Variants in DNAH1 observed in about 807,000 individuals in gnomAD.
The protein encoded by DNAH1 is axonemal beta dynein heavy chain 1.
DNAH1 carries 327 observed loss-of-function variants against 484.3 expected under a neutral mutation model. The ratio of observed to expected loss-of-function variants is 0.68; its 90% CI spans 0.62 to 0.74. The LOEUF is 0.74. Ranked by LOEUF, DNAH1 falls within the 30% of genes least tolerant of loss-of-function variation. The probability of loss-of-function intolerance (pLI) is 0.00; values close to 1 mark genes in which losing one functional copy is unlikely to be tolerated. For missense variants in DNAH1, 5,052 were observed against 5,546.8 expected (o/e 0.91, Z 2.83); for synonymous variants, 2,192 against 2,191.9 (o/e 1.00, Z 0.00).
At position 52,349,005 on chromosome 3, in the gene DNAH1, A is replaced by T. The variant is rs1318665070; in HGVS notation, c.2224A>T (p.Ile742Phe). 1.2e-6 allele frequency: 2 copies of T among 1,613,328 alleles called. No homozygotes were observed. Among genetic ancestry groups the T allele is most frequent in the Admixed American group, 1.7e-5 (1 of 60,026 alleles). The part of the protein sequence containing the change: ...TIASAVSKAM[I>F]PLQAYAKEYR... The stretch of plus-strand genomic sequence containing the variant: ...TGCCAGTGCCGTGTCCAAGGCCATG[A>T]TCCCACTGCAGGCCTACGCCAAGGA... The change falls in exon 13 of 78, where the codon ATC becomes TTC. Residue 742 changes from isoleucine (I) to phenylalanine (F), a missense_variant. By Grantham distance (21) the Ile-to-Phe change is conservative. Coordinates refer to ENST00000420323, the MANE Select transcript of DNAH1 (RefSeq NM_015512.5).
At position 52,343,255 on chromosome 3, in the gene DNAH1, C is replaced by T. The variant is rs550400429; in HGVS notation, c.1287-1235C>T. 1.8e-4 allele frequency among the ~76,000 whole-genome samples: 27 copies of T among 152,092 alleles called. No individual in the cohort carries two copies. In the South Asian group the frequency reaches 2.9e-3, roughly 16 times the overall value. On this transcript the variant is annotated intron_variant, in intron 8 of 77. Transcript: ENST00000420323. ...CAAAGGAGGGAAGGAAGTCAAGGGG[C>T]GGCTTCTAATGTGGGACATACCAGA...
At chr3:52,385,553 C>A (rs1203703865) in intron 54 of DNAH1, 106 bp downstream of exon 54, 2 of 839,494 alleles carry the variant, frequency 2.4e-6, no homozygotes, top group Non-Finnish European at 3.8e-6. Context: ...AGTCATCTGG[C>A]CTCCGTGTGC....
Position 52,395,053 on chromosome 3 carries a change from A to C in DNAH1, c.10962A>C (p.Glu3654Asp). 6.2e-7 allele frequency: 1 copy of C among 1,607,878 alleles called. No individual in the cohort carries two copies. Among genetic ancestry groups the C allele is most frequent in the Non-Finnish European group, 8.5e-7 (1 of 1,177,286 alleles). ...VATNLEPRFI[E>D]PQTANLSVVF... ...CCAACCTGGAGCCACGCTTCATTGA[A>C]CCCCAGGCAAGTGCTGGAACCCTGG... is the stretch of plus-strand genomic sequence containing the variant. Residue 3654 changes from glutamate (E) to aspartate (D), a missense_variant, in exon 68 of 78, where the codon GAA (glutamate) becomes GAC (aspartate). By Grantham distance (45) the Glu-to-Asp change is conservative (BLOSUM62 2). Transcript: ENST00000420323. This position sits in a 1 kb window ranked among gnomAD's most constrained non-coding sequence, Gnocchi z 4.4.
At chr3:52,373,399 C>T (rs1439680080) in intron 44 of DNAH1, among the ~76,000 whole-genome samples, 3 of 152,054 alleles carry the variant, frequency 2.0e-5, no homozygotes, top group Non-Finnish European at 4.4e-5. Flanking sequence ...TCCAGCCATG[C>T]CGAATAAAAC....
At chr3:52,311,757 G>T (rs1700766967), upstream of DNAH1, among the ~76,000 whole-genome samples, 1 of 152,186 alleles carries the variant, frequency 6.6e-6, no homozygotes, top group South Asian at 2.1e-4. Context: ...TGGTGGGGTT[G>T]CTGGGACCCA....
intron 8 of DNAH1, among the ~76,000 whole-genome samples, chr3:52,341,529 A>AT (rs1701939316): frequency 8.3e-6 from 1 of 120,576 alleles, no homozygotes. Context: ...CTTGACTTTG[A>AT]CTTTTTTTTT....
At chr3:52,376,991 C>T (rs1448119910) in intron 46 of DNAH1, among the ~76,000 whole-genome samples, 1 of 152,114 alleles carries the variant, frequency 6.6e-6, no homozygotes, top group Non-Finnish European at 1.5e-5. Flanking sequence ...CTCGGCTGGA[C>T]TGGGGCTTGG....
intron 8 of DNAH1, among the ~76,000 whole-genome samples, chr3:52,343,071 C>T (rs967896504): frequency 1.3e-5 from 2 of 152,076 alleles, no homozygotes; most frequent in Non-Finnish European, 2.9e-5. Context: ...GTGAGGACAG[C>T]GGTGCAGCAG....
At chr3:52,396,301 G>A in intron 70 of DNAH1, 67 bp from the exon 71 acceptor site, 1 of 1,504,628 alleles carries the variant, frequency 6.6e-7, no homozygotes. Flanking sequence ...CTGGGCAGGA[G>A]GGAGCCTGGT....
intron 44 of DNAH1, chr3:52,373,739 A>T: frequency 7.2e-7 from 1 of 1,386,970 alleles, no homozygotes; most frequent in African/African-American, 1.4e-5. Context: ...CTGATCCACT[A>T]AGTGAACTAA....
intron 1 of DNAH1, among the ~76,000 whole-genome samples, chr3:52,319,570 C>T (rs975162311): frequency 2.0e-5 from 3 of 152,268 alleles, no homozygotes; most frequent in African/African-American, 7.2e-5. Flanking sequence ...TGGCCAGTTC[C>T]CTTCAACATA....
Position 52,379,932 on chromosome 3 carries a change from T to C in DNAH1, c.7405T>C (p.Tyr2469His). 1 of 1,571,096 alleles carries C rather than the reference T, an allele frequency of 6.4e-7. No individual in the cohort carries two copies. Among genetic ancestry groups the C allele is most frequent in the Non-Finnish European group, 8.6e-7 (1 of 1,158,688 alleles). Reference protein sequence around the residue: ...EDQVQLLRLWYHENCRVFRDR... With the variant: ...EDQVQLLRLWHHENCRVFRDR... ...CCAAGTGCAGCTGCTGCGACTGTGG[T>C]ATCACGAGAACTGCCGCGTGTTCCG... The change falls in exon 48 of 78, where the codon TAT (tyrosine) becomes CAT (histidine). Residue 2469 changes from tyrosine (Y) to histidine (H), a missense_variant. Tyr to His is a moderately conservative substitution (Grantham distance 83). This residue lies in a region of DNAH1 where 2,929 missense variants were observed against 3,409.4 expected (regional missense o/e 0.86). Transcript: ENST00000420323. The surrounding 1 kb of genome is among the most constrained non-coding windows in gnomAD (Gnocchi z 4.4).
intron 17 of DNAH1, among the ~76,000 whole-genome samples, chr3:52,352,308 G>T (rs1330408965): frequency 6.6e-6 from 1 of 152,186 alleles, no homozygotes; most frequent in East Asian, 1.9e-4. Context: ...GAAAGATTCG[G>T]AGTAGTAAAG....
At position 52,346,653 on chromosome 3, in the gene DNAH1, T is replaced by C; in HGVS notation, c.1838T>C (p.Phe613Ser). 1 of 1,614,068 alleles carries C rather than the reference T, an allele frequency of 6.2e-7. No individual in the cohort carries two copies. The highest frequency in any genetic ancestry group is 8.5e-7 in the Non-Finnish European group (1 of 1,179,894). The change falls in exon 11 of 78, where the codon TTC becomes TCC. Residue 613 changes from phenylalanine to serine, a missense_variant. Physicochemically the swap from Phe to Ser is radical, Grantham distance 155. Around this residue, in one of 4 missense-constraint regions of DNAH1, gnomAD observed 1,263 missense variants for 1,218.8 expected, o/e 1.04. Transcript: ENST00000420323. ...TACATGCTGCAGGACACACTGCGCTTCCTGGTGCAGGACTCACTTGCCAGC... is the reference window on the plus strand; with the variant it reads ...TACATGCTGCAGGACACACTGCGCTCCCTGGTGCAGGACTCACTTGCCAGC... ...VKYMLQDTLRFLVQDSLASFS... is the reference protein window; with the variant it reads ...VKYMLQDTLRSLVQDSLASFS...
At chr3:52,323,729 C>T in intron 2 of DNAH1, 79 bp from the exon 3 acceptor site, 1 of 1,219,448 alleles carries the variant, frequency 8.2e-7, no homozygotes, top group Non-Finnish European at 1.2e-6. Context: ...AGGGAGGCGC[C>T]TGGGCTCGGG....
rs374296388 is a variant in DNAH1, at chr3:52,332,132, C to T, written c.1034-10C>T. On this transcript the variant is annotated splice_polypyrimidine_tract_variant and intron_variant, in intron 7 of 77. Transcript: ENST00000420323. ...TGTGTGTCCCCTTCTCCCTCTCACC[C>T]GGCCCCCAGGAAGGCCACCCCTTCA... 168 of 1,548,366 alleles carry T rather than the reference C, an allele frequency of 1.1e-4. 1 individual carries two copies. Among genetic ancestry groups the T allele is most frequent in the East Asian group, 5.4e-4 (22 of 40,896 alleles).
At chr3:52,349,835 C>T (rs1702297838) in intron 14 of DNAH1, among the ~76,000 whole-genome samples, 154 bp from the exon 15 acceptor site, 1 of 152,204 alleles carries the variant, frequency 6.6e-6, no homozygotes, top group Admixed American at 6.5e-5. Flanking sequence ...CCAGGGAGCC[C>T]ACCAGGAGCA....
rs755016022 is a variant in DNAH1 at position 52,375,929 on chromosome 3, C to G, written c.7160-26C>G. On this transcript the variant is annotated intron_variant, in intron 45 of 77. Coordinates refer to ENST00000420323, the MANE Select transcript of DNAH1 (RefSeq NM_015512.5). ...GCAAGAGGTCCACCTAACCCTGAGC[C>G]CCGTGTTTCTCCCTCCATCCTCTAG... 14 of 1,611,196 alleles carry G rather than the reference C, an allele frequency of 8.7e-6. No homozygotes were observed. The African/African-American group carries it at 1.6e-4, about 18-fold the overall frequency.
At chr3:52,366,915 A>C in intron 36 of DNAH1, 28 bp downstream of exon 36, 1 of 1,585,916 alleles carries the variant, frequency 6.3e-7, no homozygotes, top group Non-Finnish European at 8.6e-7. Context: ...CTCACCGGTG[A>C]CCCCCTGCTC....
Sources: gnomAD v4.1 joint callset for allele counts (sites outside exome capture counted in the v4.1 genomes callset) on GRCh38, gnomAD v4.1.1 for gene constraint, gnomAD v4.1.1 regional missense constraint, Gnocchi (gnomAD v3.1) non-coding constraint, MANE v1.5 for transcripts, NCBI Gene and HGNC (gene_info 2026-07-23, HGNC 2026-07-21) for gene names.